FSTL5: variants seen among roughly 807,000 people sequenced by gnomAD.
The protein encoded by FSTL5 is follistatin-related protein 5.
In FSTL5, 62 loss-of-function variants were observed where a neutral mutation model predicts 89.1. The observed-to-expected ratio is 0.70, with a 90% confidence interval of 0.57 to 0.86. FSTL5 has a LOEUF of 0.86. FSTL5 is among the 40% of genes least tolerant of loss of function. The pLI is 0.00. For missense variants in FSTL5, 1,057 were observed against 1,001.6 expected, an observed-to-expected ratio of 1.06 and a Z score of -0.75; for synonymous variants, 383 against 346.2, an observed-to-expected ratio of 1.11 and a Z score of -1.18.
chr4:161,587,284 T>C (rs369009380), intron 8 of FSTL5, among the ~76,000 whole-genome samples, 171 bp downstream of exon 8: 2 of 151,918 alleles, frequency 1.3e-5, no homozygotes, highest in East Asian at 3.9e-4. Context: ...CTTATTTACT[T>C]GGAAATTTTG....
intron 2 of FSTL5, among the ~76,000 whole-genome samples, chr4:162,104,589 G>A (rs1042815995): frequency 1.3e-5 from 2 of 152,124 alleles, no homozygotes; most frequent in African/African-American, 4.8e-5. Context: ...CATACTCTAT[G>A]GTGTGCACTA....
At chr4:161,959,653 A>AT (rs1366383516) in intron 3 of FSTL5, among the ~76,000 whole-genome samples, 1 of 152,142 alleles carries the variant, frequency 6.6e-6, no homozygotes, top group East Asian at 1.9e-4. Flanking sequence ...TGTGAGAAGT[A>AT]TTATATATTT....
chr4:161,643,090 T>C (rs1404302146), intron 7 of FSTL5, among the ~76,000 whole-genome samples: 1 of 152,232 alleles, frequency 6.6e-6, no homozygotes, highest in Non-Finnish European at 1.5e-5. Context: ...AATGGCAATT[T>C]ACAATGTTTG....
intron 6 of FSTL5, among the ~76,000 whole-genome samples, chr4:161,683,767 G>A (rs957373320): frequency 2.8e-4 from 43 of 152,032 alleles, no homozygotes; most frequent in African/African-American, 9.7e-4. Flanking sequence ...ATTTCCATAG[G>A]TTATTGGGGA....
At chr4:161,976,824 A>T (rs1735663699) in intron 3 of FSTL5, among the ~76,000 whole-genome samples, 1 of 152,236 alleles carries the variant, frequency 6.6e-6, no homozygotes, top group South Asian at 2.1e-4. Flanking sequence ...AGCCAACCCC[A>T]CAGGACCTAT....
At chr4:161,885,150 A>C (rs1732766690) in intron 4 of FSTL5, among the ~76,000 whole-genome samples, 1 of 152,100 alleles carries the variant, frequency 6.6e-6, no homozygotes, top group Admixed American at 6.6e-5. Flanking sequence ...ATACACACAA[A>C]ATAACTCTTT....
intron 1 of FSTL5, among the ~76,000 whole-genome samples, chr4:162,121,494 T>C (rs558623847): frequency 2.6e-5 from 4 of 152,038 alleles, no homozygotes; most frequent in Non-Finnish European, 4.4e-5. Context: ...CTAAAAAACA[T>C]ATTGTCTGCC....
intron 1 of FSTL5, among the ~76,000 whole-genome samples, chr4:162,150,982 A>G (rs1355223602): frequency 6.6e-6 from 1 of 152,192 alleles, no homozygotes; most frequent in Non-Finnish European, 1.5e-5. Flanking sequence ...TAAATTTCAT[A>G]TAGGAAAGAT....
intron 4 of FSTL5, among the ~76,000 whole-genome samples, chr4:161,810,152 AAT>A (rs1331638816): frequency 1.3e-5 from 2 of 152,292 alleles, no homozygotes; most frequent in Admixed American, 6.5e-5. Flanking sequence ...AAAAATTAAA[AAT>A]ATGAGTAATT....
At chr4:162,160,412 T>C (rs2110766111) in intron 1 of FSTL5, among the ~76,000 whole-genome samples, 1 of 151,976 alleles carries the variant, frequency 6.6e-6, no homozygotes, top group South Asian at 2.1e-4. Context: ...TTTGGAGGCG[T>C]TGAAGCAGAA....
intron 3 of FSTL5, among the ~76,000 whole-genome samples, chr4:161,942,532 T>A (rs967306632): frequency 6.6e-6 from 1 of 152,004 alleles, no homozygotes; most frequent in East Asian, 1.9e-4. Flanking sequence ...CCCAATCAAA[T>A]ATAGCCCAGG....
At chr4:161,588,909 T>C (rs937251854) in intron 7 of FSTL5, among the ~76,000 whole-genome samples, 3 of 151,938 alleles carry the variant, frequency 2.0e-5, no homozygotes, top group Admixed American at 2.0e-4. Context: ...TAGCAGCTCC[T>C]CGAGAACATA....
chr4:161,880,444 C>T (rs537756141), intron 4 of FSTL5, among the ~76,000 whole-genome samples: 1 of 152,088 alleles, frequency 6.6e-6, no homozygotes, highest in South Asian at 2.1e-4. Flanking sequence ...GAACTGGAAA[C>T]TGGTACAGAC....
intron 6 of FSTL5, among the ~76,000 whole-genome samples, chr4:161,749,529 G>A (rs1286885999): frequency 6.6e-6 from 1 of 152,156 alleles, no homozygotes; most frequent in African/African-American, 2.4e-5. Flanking sequence ...CCGGCGCGGT[G>A]GCTCACGCCT....
At chr4:161,631,896 T>C (rs532926065) in intron 7 of FSTL5, among the ~76,000 whole-genome samples, 9 of 152,284 alleles carry the variant, frequency 5.9e-5, no homozygotes, top group African/African-American at 2.2e-4. Context: ...TCTAGTATAG[T>C]ATTTATGTGG....
intron 15 of FSTL5, among the ~76,000 whole-genome samples, chr4:161,392,475 T>G (rs1289767476): frequency 6.6e-6 from 1 of 152,168 alleles, no homozygotes; most frequent in East Asian, 1.9e-4. Flanking sequence ...TCCTCCCACC[T>G]TGGCCTCCCA....
chr4:161,889,856 C>T (rs1732931433), intron 4 of FSTL5, among the ~76,000 whole-genome samples: 1 of 152,096 alleles, frequency 6.6e-6, no homozygotes, highest in Non-Finnish European at 1.5e-5. Flanking sequence ...AATAAACATT[C>T]TATGTTTTAT....
At chr4:161,808,060 G>T (rs1344246070) in intron 4 of FSTL5, among the ~76,000 whole-genome samples, 1 of 152,076 alleles carries the variant, frequency 6.6e-6, no homozygotes, top group Non-Finnish European at 1.5e-5. Flanking sequence ...CTGAGACCAG[G>T]TTATAGCAAT....
intron 7 of FSTL5, among the ~76,000 whole-genome samples, chr4:161,647,911 G>GA (rs1736206020): frequency 6.6e-6 from 1 of 152,088 alleles, no homozygotes; most frequent in Admixed American, 6.5e-5. Context: ...ACAGGCAGCT[G>GA]GACGTCGAGA....
Sources: gnomAD v4.1 joint callset for allele counts (sites outside exome capture counted in the v4.1 genomes callset) on GRCh38, gnomAD v4.1.1 for gene constraint, MANE v1.5 for transcripts, NCBI Gene and HGNC (gene_info 2026-07-23, HGNC 2026-07-21) for gene names.